LRMDA: variants seen among roughly 807,000 people sequenced by gnomAD.
LRMDA encodes leucine rich melanocyte differentiation associated.
A neutral mutation model predicts 29.8 loss-of-function variants in LRMDA; 18 were observed. The observed-to-expected ratio is 0.60, with a 90% CI of 0.42 to 0.90. LRMDA has a LOEUF of 0.90. Ranked by LOEUF, LRMDA falls within the 40% of genes least tolerant of loss-of-function variation. LRMDA has a pLI of 0.00. For synonymous variants in LRMDA, 125 were observed against 109.4 expected, an observed-to-expected ratio of 1.14 and a Z score of -0.89; for missense variants, 273 against 273.9, an observed-to-expected ratio of 1.00 and a Z score of 0.02.
chr10:76,000,585 T>C (rs1847545520), intron 2 of LRMDA, among the ~76,000 whole-genome samples: 1 of 152,168 alleles, frequency 6.6e-6, no homozygotes, highest in African/African-American at 2.4e-5. Flanking sequence ...CTGTGGTGAA[T>C]GTGAATCGAG....
chr10:75,878,315 G>A (rs1166620073), intron 2 of LRMDA, among the ~76,000 whole-genome samples: 3 of 147,426 alleles, frequency 2.0e-5, no homozygotes, highest in Non-Finnish European at 4.5e-5. Context: ...GAGGTGGATG[G>A]GTGCAAAGTT....
At chr10:76,086,158 C>T (rs998642027) in intron 5 of LRMDA, among the ~76,000 whole-genome samples, 8 of 152,220 alleles carry the variant, frequency 5.3e-5, no homozygotes, top group Non-Finnish European at 1.0e-4. Flanking sequence ...CCAGTTACTT[C>T]GTGAGTTCAG....
chr10:75,746,175 T>C (rs944801925), intron 2 of LRMDA, among the ~76,000 whole-genome samples: 1 of 152,200 alleles, frequency 6.6e-6, no homozygotes, highest in Non-Finnish European at 1.5e-5. Flanking sequence ...TCATACCTAA[T>C]GCCATGCCAT....
At chr10:75,953,326 G>A (rs904400293) in intron 2 of LRMDA, among the ~76,000 whole-genome samples, 2 of 152,122 alleles carry the variant, frequency 1.3e-5, no homozygotes, top group Non-Finnish European at 2.9e-5. Context: ...CGATCCTTCT[G>A]CCTCAGCCTC....
intron 6 of LRMDA, among the ~76,000 whole-genome samples, chr10:76,400,115 C>A (rs569806142): frequency 1.3e-5 from 2 of 152,298 alleles, no homozygotes; most frequent in African/African-American, 4.8e-5. Flanking sequence ...AAACTTTTTT[C>A]CTGCTGATCT....
intron 6 of LRMDA, among the ~76,000 whole-genome samples, chr10:76,482,385 C>T (rs1260422492): frequency 1.3e-5 from 2 of 151,962 alleles, no homozygotes; most frequent in Admixed American, 1.3e-4. Context: ...TCTTACTTAG[C>T]ATTTAATAAA....
chr10:76,475,020 T>C (rs1842652823), intron 6 of LRMDA, among the ~76,000 whole-genome samples: 2 of 151,788 alleles, frequency 1.3e-5, no homozygotes, highest in African/African-American at 4.8e-5. Context: ...AGTAGAATAT[T>C]TGGCAATTAA....
chr10:76,509,749 T>TG (rs1368489857), intron 6 of LRMDA, among the ~76,000 whole-genome samples: 2 of 152,208 alleles, frequency 1.3e-5, no homozygotes, highest in African/African-American at 4.8e-5. Context: ...ATTGTTGGGA[T>TG]GGTTCCCTTT....
chr10:76,356,561 A>T (rs1589149249), intron 6 of LRMDA, among the ~76,000 whole-genome samples: 1 of 152,142 alleles, frequency 6.6e-6, no homozygotes, highest in East Asian at 1.9e-4. Context: ...AGAAATTTGG[A>T]ATCTTGGTTC....
intron 2 of LRMDA, among the ~76,000 whole-genome samples, chr10:75,594,225 G>C (rs1011598583): frequency 5.9e-5 from 9 of 152,198 alleles, no homozygotes. Context: ...AGAGGGCCCA[G>C]CTCTGGGGGA....
chr10:75,820,492 G>C (rs1247551303), intron 2 of LRMDA, among the ~76,000 whole-genome samples: 1 of 152,186 alleles, frequency 6.6e-6, no homozygotes, highest in African/African-American at 2.4e-5. Context: ...AAACCTCTGG[G>C]ATACAGCAAC....
intron 6 of LRMDA, among the ~76,000 whole-genome samples, chr10:76,390,076 A>G (rs1194479003): frequency 6.6e-6 from 1 of 152,196 alleles, no homozygotes; most frequent in African/African-American, 2.4e-5. Flanking sequence ...ACTGTTTTCC[A>G]TAGCAGCTGT....
intron 2 of LRMDA, among the ~76,000 whole-genome samples, chr10:75,475,542 C>A (rs1304033102): frequency 6.6e-6 from 1 of 152,170 alleles, no homozygotes; most frequent in Non-Finnish European, 1.5e-5. Flanking sequence ...GCTAAAGAAA[C>A]CGGTGAAGGG....
chr10:75,771,281 A>ATT (rs796592141), intron 2 of LRMDA, among the ~76,000 whole-genome samples: 1 of 144,932 alleles, frequency 6.9e-6, no homozygotes, highest in Non-Finnish European at 1.5e-5. Flanking sequence ...CCATCCATGC[A>ATT]TTTTTTTTTT....
chr10:76,454,828 T>A (rs1336381354), intron 6 of LRMDA, among the ~76,000 whole-genome samples: 1 of 152,136 alleles, frequency 6.6e-6, no homozygotes, highest in Non-Finnish European at 1.5e-5. Context: ...GGAAGAGGGT[T>A]AGGGATGTTG....
chr10:75,691,137 GATCTATAT>G (rs1842147074), intron 2 of LRMDA, among the ~76,000 whole-genome samples: 1 of 62,186 alleles, frequency 1.6e-5, no homozygotes, highest in East Asian at 3.9e-4. Context: ...TAGATATATA[GATCTATAT>G]ATCTATATAC....
intron 6 of LRMDA, among the ~76,000 whole-genome samples, chr10:76,386,059 G>C (rs999684062): frequency 1.1e-4 from 16 of 152,120 alleles, no homozygotes; most frequent in Non-Finnish European, 2.1e-4. Context: ...CTAAAAGGGA[G>C]AAATTCTTTC....
At chr10:76,537,487 ACTT>A (rs994198224) in intron 6 of LRMDA, among the ~76,000 whole-genome samples, 1 of 152,104 alleles carries the variant, frequency 6.6e-6, no homozygotes, top group Non-Finnish European at 1.5e-5. Flanking sequence ...ATGGGGTTGT[ACTT>A]CTTTCTGGAG....
At chr10:75,498,444 C>T (rs902746286) in intron 2 of LRMDA, among the ~76,000 whole-genome samples, 10 of 152,070 alleles carry the variant, frequency 6.6e-5, no homozygotes, top group South Asian at 2.1e-4. Context: ...CCAGATGGAG[C>T]GACGTGTGTG....
Sources: gnomAD v4.1 joint callset for allele counts (sites outside exome capture counted in the v4.1 genomes callset) on GRCh38, gnomAD v4.1.1 for gene constraint, MANE v1.5 for transcripts, NCBI Gene and HGNC (gene_info 2026-07-23, HGNC 2026-07-21) for gene names.